TMEM35A: variants seen among roughly 807,000 people sequenced by gnomAD.
TMEM35A encodes the protein transmembrane protein 35A.
For missense variants in TMEM35A, 83 were observed against 132.7 expected, an observed-to-expected ratio of 0.63 and a Z score of 1.84; for synonymous variants, 50 against 54.7, an observed-to-expected ratio of 0.91 and a Z score of 0.38.
chrX:101,084,416 A>G (rs2089300856), intron 1 of TMEM35A, among the ~76,000 whole-genome samples: 1 of 99,394 alleles, frequency 1.0e-5, no homozygotes, highest in African/African-American at 3.7e-5. Flanking sequence ...TTGCCAAAAT[A>G]TATTTTTATC....
intron 1 of TMEM35A, among the ~76,000 whole-genome samples, chrX:101,088,510 G>A (rs1037019703): frequency 9.0e-6 from 1 of 111,603 alleles, no homozygotes; most frequent in African/African-American, 3.3e-5. Flanking sequence ...CAGCTAACTC[G>A]GGAGGCTGAG....
intron 1 of TMEM35A, among the ~76,000 whole-genome samples, chrX:101,090,169 C>CTTTTTTTTTTTTTTTTTTTTTTTTT (rs771239790): frequency 1.0e-5 from 1 of 97,527 alleles, no homozygotes. Context: ...TTCTTTCTTT[C>CTTTTTTTTTTTTTTTTTTTTTTTTT]TTTTTTTTTT....
chrX:101,089,758 GA>G (rs758110830), intron 1 of TMEM35A, among the ~76,000 whole-genome samples: 1,556 of 64,165 alleles, frequency 0.024, 25 homozygotes, highest in African/African-American at 0.064. Context: ...CCATATCAAA[GA>G]AAAAAAAAAA....
In TMEM35A at chrX:101,078,976, T is replaced by A; in HGVS notation, c.-27T>A. On this transcript the variant is annotated 5_prime_UTR_variant, in exon 1 of 2. Transcript: ENST00000372930. ...AGAGCGGGTGCGCAAATCAGAAGGA[T>A]TAGTTGGGACCTGCCTTGGCGACCC... 8.3e-7 allele frequency: 1 copy of A among 1,210,623 alleles called. No homozygotes were observed. Among genetic ancestry groups the A allele is most frequent in the Non-Finnish European group, 1.1e-6 (1 of 894,954 alleles).
chrX:101,088,412 G>A (rs1231684312), intron 1 of TMEM35A, among the ~76,000 whole-genome samples: 1 of 110,793 alleles, frequency 9.0e-6, no homozygotes, highest in Non-Finnish European at 1.9e-5. Flanking sequence ...AGGAGTTTGA[G>A]ACAGGCCTAG....
intron 1 of TMEM35A, among the ~76,000 whole-genome samples, chrX:101,094,087 A>G (rs1384481082): frequency 2.7e-5 from 3 of 111,650 alleles, no homozygotes; most frequent in Admixed American, 9.5e-5. Context: ...ACTAAGGTTT[A>G]AATCACAGGG....
chrX:101,093,048 A>ACTTTC (rs1211595324), intron 1 of TMEM35A, among the ~76,000 whole-genome samples: 1 of 111,458 alleles, frequency 9.0e-6, no homozygotes, highest in Non-Finnish European at 1.9e-5. Flanking sequence ...CTCAGCAAAC[A>ACTTTC]CTTTCATTTT....
intron 1 of TMEM35A, among the ~76,000 whole-genome samples, chrX:101,090,679 G>A (rs955754592): frequency 1.8e-5 from 2 of 109,812 alleles, no homozygotes; most frequent in Non-Finnish European, 3.8e-5. Context: ...CCTGACCCCC[G>A]CATTCTGTTC....
At chrX:101,088,880 C>T (rs192544239) in intron 1 of TMEM35A, among the ~76,000 whole-genome samples, 1 of 109,667 alleles carries the variant, frequency 9.1e-6, no homozygotes, top group Non-Finnish European at 1.9e-5. Flanking sequence ...GTGTGGGTGA[C>T]AGAGTGGGAT....
At chrX:101,089,778 A>G (rs961956617) in intron 1 of TMEM35A, among the ~76,000 whole-genome samples, 1 of 108,731 alleles carries the variant, frequency 9.2e-6, no homozygotes, top group Non-Finnish European at 1.9e-5. Flanking sequence ...AAAAAAGGCT[A>G]GAAAGTGGCA....
intron 1 of TMEM35A, among the ~76,000 whole-genome samples, chrX:101,079,858 A>G (rs1448676975): frequency 8.9e-6 from 1 of 112,128 alleles, no homozygotes; most frequent in Non-Finnish European, 1.9e-5. Context: ...GTGGATGACC[A>G]GAGCCAGGCC....
intron 1 of TMEM35A, chrX:101,081,369 T>A (rs1275374686): frequency 8.9e-6 from 1 of 112,730 alleles, no homozygotes; most frequent in African/African-American, 3.2e-5. Context: ...CCAGCTTTAT[T>A]CTCGTTCCCA....
In TMEM35A at chrX:101,096,241, G is replaced by C. The variant is rs1266343996; in HGVS notation, c.*1285G>C. ...TATTGTGCCAGGGATGGGGAAATGG[G>C]GGGGGTTGTGTGGGAAGAGTACTTA... On this transcript the variant is annotated 3_prime_UTR_variant, in exon 2 of 2. Transcript: ENST00000372930. 4.5e-5 allele frequency: 5 copies of C among 111,490 alleles called. No homozygotes were observed. The highest frequency in any genetic ancestry group is 9.4e-5 in the Non-Finnish European group (5 of 53,055). 9.2% of individuals were successfully genotyped at this position (111,490 alleles called of 1,213,427 possible). A position where few individuals can be genotyped will look rare whatever the true frequency, so the allele number is the denominator to read the frequency against.
At chrX:101,082,198 TGTGTAATTCTTAG>T (rs1364923925) in intron 1 of TMEM35A, among the ~76,000 whole-genome samples, 1 of 101,669 alleles carries the variant, frequency 9.8e-6, no homozygotes, top group African/African-American at 3.6e-5. Context: ...TAAAATCATT[TGTGTAATTCTTAG>T]GTGTTATCTT....
chrX:101,091,447 C>T (rs1214900420), intron 1 of TMEM35A, among the ~76,000 whole-genome samples: 11 of 110,431 alleles, frequency 1.0e-4, no homozygotes, highest in Non-Finnish European at 2.1e-4. Flanking sequence ...GGACTACAGG[C>T]ACACACTGCC....
chrX:101,085,610 AAAT>A (rs1289435545), intron 1 of TMEM35A, among the ~76,000 whole-genome samples: 1 of 106,569 alleles, frequency 9.4e-6, no homozygotes, highest in Non-Finnish European at 1.9e-5. Context: ...CAAAAAAAGA[AAAT>A]AATAATAAAT....
At chrX:101,081,239 T>A (rs900030396) in intron 1 of TMEM35A, among the ~76,000 whole-genome samples, 1 of 112,101 alleles carries the variant, frequency 8.9e-6, no homozygotes, top group Admixed American at 9.4e-5. Flanking sequence ...GACGTCACAA[T>A]AGTTTGAAGA....
At chrX:101,079,570 G>A (rs2089285841) in intron 1 of TMEM35A, among the ~76,000 whole-genome samples, 1 of 111,166 alleles carries the variant, frequency 9.0e-6, no homozygotes, top group South Asian at 3.8e-4. Context: ...GGAAAAATGG[G>A]CTACTAAAAC....
chrX:101,078,912 C>T lies in TMEM35A; in HGVS notation c.-91C>T, dbSNP rs1305176977. Reference sequence around the variant, plus strand: ...AGCTGCCTGCTGCCTCCGCAGCGTCCCCCCAGCTCTCCCTGTGCTAACTGC... The same window carrying T: ...AGCTGCCTGCTGCCTCCGCAGCGTCTCCCCAGCTCTCCCTGTGCTAACTGC... On this transcript the variant is annotated 5_prime_UTR_variant, in exon 1 of 2. Transcript: ENST00000372930. 1.8e-6 allele frequency: 2 copies of T among 1,122,118 alleles called. No homozygotes were observed. The highest frequency in any genetic ancestry group is 6.1e-5 in the East Asian group (2 of 33,022). The allele number at this position is 1,122,118 out of a possible 1,213,427, so 92.5% of individuals were successfully genotyped here.
Sources: allele counts gnomAD v4.1 joint callset (sites outside exome capture counted in the v4.1 genomes callset), GRCh38; gene constraint gnomAD v4.1.1; transcripts MANE v1.5; gene names NCBI Gene and HGNC (gene_info 2026-07-23, HGNC 2026-07-21).